CEP63: variants seen among roughly 807,000 people sequenced by gnomAD.
CEP63 encodes the protein centrosomal protein of 63 kDa.
CEP63 carries 84 observed loss-of-function variants against 89.1 expected under a neutral mutation model. That is an observed-to-expected ratio of 0.94 (90% CI 0.79 to 1.13). CEP63 has a LOEUF of 1.13. Among genes scored for constraint, CEP63 ranks in the 50% most tolerant of loss-of-function variants. The pLI is 0.00. For synonymous variants in CEP63, 267 were observed against 272.5 expected (o/e 0.98, Z 0.20); for missense variants, 838 against 813.3 (o/e 1.03, Z -0.37).
At chr3:134,674,417 C>T in the CEP63 span, among the ~76,000 whole-genome samples, 1 of 152,122 alleles carries the variant, frequency 6.6e-6, no homozygotes, top group Non-Finnish European at 1.5e-5. Flanking sequence ...ACTCGACAAA[C>T]TAGGAATATA....
chr3:134,743,753 C>T, the CEP63 span, among the ~76,000 whole-genome samples: 7 of 152,144 alleles, frequency 4.6e-5, no homozygotes, highest in Non-Finnish European at 7.3e-5. Context: ...AGGGACCTAG[C>T]TATGTCTTCT....
At chr3:134,497,633 T>G (rs1372749291) in intron 2 of CEP63, among the ~76,000 whole-genome samples, 2 of 152,100 alleles carry the variant, frequency 1.3e-5, no homozygotes, top group Admixed American at 6.5e-5. Context: ...GCCTCCTGAG[T>G]AGTTGGGATC....
At chr3:134,492,983 C>T (rs1419844455) in intron 1 of CEP63, among the ~76,000 whole-genome samples, 2 of 152,078 alleles carry the variant, frequency 1.3e-5, no homozygotes, top group Non-Finnish European at 2.9e-5. Context: ...AGCTGTTGAA[C>T]ATTCAGTAAC....
At chr3:134,767,801 G>C in the CEP63 span, among the ~76,000 whole-genome samples, 5 of 152,188 alleles carry the variant, frequency 3.3e-5, no homozygotes, top group African/African-American at 1.2e-4. Flanking sequence ...GCCATGCTCT[G>C]TTCAGGGAAC....
the CEP63 span, among the ~76,000 whole-genome samples, chr3:134,744,523 T>G: frequency 6.6e-6 from 1 of 152,092 alleles, no homozygotes; most frequent in African/African-American, 2.4e-5. Flanking sequence ...CTTCAAAGCA[T>G]AGCATTGGGA....
At chr3:134,489,319 C>T (rs1372113777) in intron 1 of CEP63, among the ~76,000 whole-genome samples, 1 of 152,016 alleles carries the variant, frequency 6.6e-6, no homozygotes, top group Admixed American at 6.6e-5. Flanking sequence ...GCTCTAGAAG[C>T]CTGATGAGAT....
At chr3:134,627,817 AC>A in the CEP63 span, 1 of 1,612,164 alleles carries the variant, frequency 6.2e-7, no homozygotes, top group Non-Finnish European at 8.5e-7. Flanking sequence ...CACCTTGTAA[AC>A]CTACAATATT....
chr3:134,561,417 G>C lies in CEP63; in HGVS notation c.1994G>C (p.Arg665Thr), dbSNP rs140387818. The C allele has an allele frequency of 3.8e-5, 61 of 1,613,888 alleles. No homozygotes were observed. Among genetic ancestry groups the C allele is most frequent in the Middle Eastern group, 1.6e-4 (1 of 6,080 alleles). The change falls in exon 15 of 15, where the codon AGA becomes ACA. Residue 665 changes from arginine (R) to threonine (T), a missense_variant. Physicochemically the swap from Arg to Thr is moderately conservative, Grantham distance 71 (BLOSUM62 -1). Transcript: ENST00000675561. ...PVSPLGSIATRFLEEEELRSH... is the reference protein window; with the variant it reads ...PVSPLGSIATTFLEEEELRSH... The stretch of plus-strand genomic sequence containing the variant: ...TCTCCCCTTGGTTCAATAGCTACCA[G>C]ATTTTTGGAAGAGGAGGAACTGAGG...
chr3:134,492,647 T>G (rs1938142811), intron 1 of CEP63, among the ~76,000 whole-genome samples: 1 of 152,080 alleles, frequency 6.6e-6, no homozygotes, highest in Non-Finnish European at 1.5e-5. Flanking sequence ...ATTTCTTATG[T>G]GACTATTTCA....
At chr3:134,685,913 C>A in the CEP63 span, among the ~76,000 whole-genome samples, 7 of 152,326 alleles carry the variant, frequency 4.6e-5, no homozygotes, top group African/African-American at 1.7e-4. Flanking sequence ...TTGTCTGCCA[C>A]GTGTTTAGGG....
intron 2 of CEP63, among the ~76,000 whole-genome samples, chr3:134,503,752 A>G (rs566418262): frequency 2.6e-5 from 4 of 152,124 alleles, no homozygotes; most frequent in Non-Finnish European, 5.9e-5. Flanking sequence ...TTTTCATTAT[A>G]TAATGACCTT....
the CEP63 span, among the ~76,000 whole-genome samples, chr3:134,617,574 T>G: frequency 2.0e-5 from 3 of 152,230 alleles, no homozygotes; most frequent in Non-Finnish European, 4.4e-5. Context: ...CAGTGTTAGC[T>G]GTAAGTGGTG....
intron 3 of CEP63, among the ~76,000 whole-genome samples, chr3:134,520,867 C>A (rs1451388792): frequency 6.6e-6 from 1 of 152,048 alleles, no homozygotes; most frequent in Non-Finnish European, 1.5e-5. Flanking sequence ...ATACCATATA[C>A]CAAATTCAAT....
At chr3:134,645,117 C>T in the CEP63 span, among the ~76,000 whole-genome samples, 1 of 152,228 alleles carries the variant, frequency 6.6e-6, no homozygotes, top group Non-Finnish European at 1.5e-5. Context: ...TTCCCTTTAG[C>T]TGTGGGGCGT....
intron 14 of CEP63, among the ~76,000 whole-genome samples, chr3:134,560,537 G>T (rs553650805): frequency 6.6e-6 from 1 of 152,158 alleles, no homozygotes; most frequent in Non-Finnish European, 1.5e-5. Context: ...ACGGGACAGC[G>T]CAGTGTAGGG....
At chr3:134,712,563 TTAAG>T in the CEP63 span, among the ~76,000 whole-genome samples, 1 of 152,202 alleles carries the variant, frequency 6.6e-6, no homozygotes, top group Non-Finnish European at 1.5e-5. Context: ...TTTCTCTCCT[TTAAG>T]TATTTATTCA....
the CEP63 span, chr3:134,651,306 G>A: frequency 8.5e-7 from 1 of 1,183,006 alleles, no homozygotes; most frequent in Non-Finnish European, 1.1e-6. Flanking sequence ...CACTTGAAGC[G>A]CTGGTCCTGG....
chr3:134,682,249 C>A, the CEP63 span, among the ~76,000 whole-genome samples: 1 of 152,120 alleles, frequency 6.6e-6, no homozygotes, highest in Non-Finnish European at 1.5e-5. Context: ...CTTCTGAGTG[C>A]CCTGGAGGAT....
intron 11 of CEP63, among the ~76,000 whole-genome samples, chr3:134,572,631 C>T (rs1958058887): frequency 1.3e-5 from 2 of 152,100 alleles, no homozygotes; most frequent in Non-Finnish European, 2.9e-5. Context: ...GTATATGTAC[C>T]ACATTTTCTT....
Sources: allele counts gnomAD v4.1 joint callset (sites outside exome capture counted in the v4.1 genomes callset), GRCh38; gene constraint gnomAD v4.1.1; transcripts MANE v1.5; gene names NCBI Gene and HGNC (gene_info 2026-07-23, HGNC 2026-07-21).